Variants in ZNF618 observed in about 807,000 individuals in gnomAD.
ZNF618 encodes the protein neural precursor cell expressed, developmentally down-regulated 10.
Under a neutral mutation model 103.0 loss-of-function variants are expected in ZNF618, and 34 were observed. That is an observed-to-expected ratio of 0.33 (90% CI 0.25 to 0.44). The LOEUF (loss-of-function observed/expected upper bound fraction) is 0.44, where lower values mean the gene tolerates loss of function less well. Among genes scored for constraint, ZNF618 ranks in the 20% least tolerant of loss-of-function variants. The pLI is 1.00. For missense variants in ZNF618, 1,059 were observed against 1,295.4 expected (o/e 0.82, Z 2.80); for synonymous variants, 551 against 542.2 (o/e 1.02, Z -0.23).
At chr9:113,951,760 C>G (rs1835804362) in intron 1 of ZNF618, among the ~76,000 whole-genome samples, 1 of 151,870 alleles carries the variant, frequency 6.6e-6, no homozygotes, top group South Asian at 2.1e-4. Context: ...TGTCCCAAAC[C>G]TTGACCTCAT....
In ZNF618 at chr9:114,045,079, G is replaced by A. The variant is rs1348199194; in HGVS notation, c.1247-2814G>A. The stretch of plus-strand genomic sequence containing the variant: ...TTTTGGATCCTTTTATGATTGAGTT[G>A]TGAGAGTTCTTTATATACTCTAGAT... On this transcript the variant is annotated intron_variant, in intron 13 of 14. Transcript: ENST00000374126. Among the ~76,000 whole-genome samples the A allele has an allele frequency of 6.6e-5, 10 of 151,786 alleles. No individual in the cohort carries two copies. The East Asian group carries it at 1.9e-3, about 29-fold the overall frequency.
intron 1 of ZNF618, among the ~76,000 whole-genome samples, chr9:113,894,305 C>T (rs1829857177): frequency 6.6e-6 from 1 of 152,186 alleles, no homozygotes; most frequent in Admixed American, 6.5e-5. Context: ...ATCCACCTGA[C>T]TGACCATTAC....
intron 3 of ZNF618, among the ~76,000 whole-genome samples, chr9:113,992,875 A>G (rs1028602888): frequency 8.5e-5 from 13 of 152,272 alleles, no homozygotes; most frequent in South Asian, 6.2e-4. Flanking sequence ...CAAGTTCGCA[A>G]TGGTTGCTGC....
intron 9 of ZNF618, among the ~76,000 whole-genome samples, chr9:114,008,880 C>T (rs918033758): frequency 6.6e-6 from 1 of 152,182 alleles, no homozygotes; most frequent in South Asian, 2.1e-4. Context: ...TGACATTTCC[C>T]CACAGGTTTG....
Position 114,032,540 on chromosome 9 carries a change from G to T in ZNF618, c.1085-105G>T. 3.0e-6 allele frequency: 3 copies of T among 1,006,108 alleles called. No individual in the cohort carries two copies. In the Middle Eastern group the frequency reaches 6.3e-4, roughly 211 times the overall value. 62.3% of individuals were successfully genotyped at this position (1,006,108 alleles called of 1,614,324 possible). A position where few individuals can be genotyped will look rare whatever the true frequency, so the allele number is the denominator to read the frequency against. On this transcript the variant is annotated intron_variant, in intron 11 of 14. Coordinates refer to ENST00000374126, the MANE Select transcript of ZNF618 (RefSeq NM_001318042.2). ...GGTCCTGGAGCCCTCACGAGAGCTA[G>T]TTGGCCCAGCAGAGTCCTTGGCCTT... is the stretch of plus-strand genomic sequence containing the variant.
chr9:113,933,460 A>G (rs1241816787), intron 1 of ZNF618, among the ~76,000 whole-genome samples: 1 of 152,228 alleles, frequency 6.6e-6, no homozygotes, highest in East Asian at 1.9e-4. Context: ...GAGTGACTTT[A>G]GAGTGCATTA....
At chr9:114,015,999 C>A in intron 9 of ZNF618, 2 of 972,254 alleles carry the variant, frequency 2.1e-6, no homozygotes, top group East Asian at 2.6e-5. Flanking sequence ...ACCAGGGCAC[C>A]CTCCCCCAAG....
intron 12 of ZNF618, among the ~76,000 whole-genome samples, chr9:114,033,389 A>AGAG (rs1844272832): frequency 6.8e-6 from 1 of 147,060 alleles, no homozygotes; most frequent in Admixed American, 6.8e-5. Context: ...CTGTCTCAAA[A>AGAG]AGAGAGAGAG....
In ZNF618 at chr9:114,052,221, C is replaced by G. The variant is rs141319508; in HGVS notation, c.*2054C>G. ...ATAGTGTTTGGGGGCCAAGCCTGCA[C>G]ACTTTGCCTCATGAGAACTCACCCA... is the stretch of plus-strand genomic sequence containing the variant. On this transcript the variant is annotated 3_prime_UTR_variant, in exon 15 of 15. Transcript: ENST00000374126. 6.6e-6 allele frequency: 1 copy of G among 152,654 alleles called. No individual in the cohort carries two copies. Among genetic ancestry groups the G allele is most frequent in the African/African-American group, 2.4e-5 (1 of 41,424 alleles). The allele number at this position is 152,654 out of a possible 1,614,324, so 9.5% of individuals were successfully genotyped here.
At position 113,998,313 on chromosome 9, in the gene ZNF618, C is replaced by T; in HGVS notation, c.392C>T (p.Ser131Leu). The change falls in exon 4 of 15, where the codon TCA becomes TTA. Residue 131 changes from serine (S) to leucine (L), a missense_variant. Ser to Leu is a moderately radical substitution (Grantham distance 145). Coordinates refer to ENST00000374126, the MANE Select transcript of ZNF618 (RefSeq NM_001318042.2). ...GGTGGATCTGTGCGAAGCCGGTATT[C>T]AGGGACCTGGATTTTTGACCAAGCA... ...PHGGSVRSRY[S>L]GTWIFDQALR... 3 of 1,550,586 alleles carry T rather than the reference C, an allele frequency of 1.9e-6. No homozygotes were observed. The highest frequency in any genetic ancestry group is 2.6e-6 in the Non-Finnish European group (3 of 1,146,994).
chr9:113,925,118 A>G (rs1271274403), intron 1 of ZNF618, among the ~76,000 whole-genome samples: 1 of 151,950 alleles, frequency 6.6e-6, no homozygotes, highest in African/African-American at 2.4e-5. Flanking sequence ...GCTAGAGGAT[A>G]TTGATGGTGG....
At chr9:113,951,452 T>C (rs1257303046) in intron 1 of ZNF618, among the ~76,000 whole-genome samples, 7 of 68,102 alleles carry the variant, frequency 1.0e-4, no homozygotes, top group African/African-American at 4.1e-4. Context: ...CATATATGTG[T>C]ATATATACAT....
intron 1 of ZNF618, among the ~76,000 whole-genome samples, chr9:113,905,785 C>T (rs1055945167): frequency 6.6e-6 from 1 of 152,160 alleles, no homozygotes; most frequent in African/African-American, 2.4e-5. Context: ...GATTCCCTCC[C>T]TTGCATGTTT....
chr9:113,909,731 C>T (rs573203680), intron 1 of ZNF618, among the ~76,000 whole-genome samples: 35 of 151,916 alleles, frequency 2.3e-4, no homozygotes, highest in African/African-American at 8.2e-4. Context: ...TGCTTGCATG[C>T]GGATGCTCCC....
chr9:114,026,820 G>A (rs777587429), intron 10 of ZNF618, among the ~76,000 whole-genome samples: 3 of 152,140 alleles, frequency 2.0e-5, no homozygotes, highest in African/African-American at 4.8e-5. Context: ...TAAAGTCCCC[G>A]TGAGACTTGC....
intron 1 of ZNF618, 67 bp from the exon 2 acceptor site, chr9:113,969,050 G>T (rs1018079997): frequency 6.4e-7 from 1 of 1,568,594 alleles, no homozygotes; most frequent in Admixed American, 1.7e-5. Flanking sequence ...AGCTTGATGG[G>T]GTGGCAGCAG....
intron 12 of ZNF618, among the ~76,000 whole-genome samples, chr9:114,034,211 G>C (rs1003562047): frequency 1.3e-5 from 2 of 152,174 alleles, no homozygotes; most frequent in African/African-American, 4.8e-5. Flanking sequence ...TTGCGGAAGG[G>C]AATGAGGTTT....
intron 1 of ZNF618, among the ~76,000 whole-genome samples, chr9:113,909,753 C>T (rs199562549): frequency 5.3e-5 from 8 of 151,778 alleles, no homozygotes; most frequent in Admixed American, 1.3e-4. Context: ...TGCTGTATCC[C>T]GCTCCCCGAT....
intron 1 of ZNF618, among the ~76,000 whole-genome samples, chr9:113,930,803 A>G (rs1240760577): frequency 6.6e-6 from 1 of 152,144 alleles, no homozygotes; most frequent in African/African-American, 2.4e-5. Flanking sequence ...TGGTGTTGGT[A>G]TTGAACTGTC....
Sources: allele counts gnomAD v4.1 joint callset (sites outside exome capture counted in the v4.1 genomes callset), GRCh38; gene constraint gnomAD v4.1.1; transcripts MANE v1.5; gene names NCBI Gene and HGNC (gene_info 2026-07-23, HGNC 2026-07-21).